TMEM47: variants seen among roughly 807,000 people sequenced by gnomAD.
The protein encoded by TMEM47 is transmembrane protein 47.
In TMEM47, 3 loss-of-function variants were observed where a neutral mutation model predicts 12.4. That is an observed-to-expected ratio of 0.24 (90% CI 0.11 to 0.63). The LOEUF (loss-of-function observed/expected upper bound fraction) is 0.63, where lower values mean the gene tolerates loss of function less well. Ranked by LOEUF, TMEM47 falls within the 20% of genes least tolerant of loss-of-function variation. TMEM47 has a pLI of 0.86. For missense variants in TMEM47, 89 were observed against 143.8 expected, an observed-to-expected ratio of 0.62 and a Z score of 1.95; for synonymous variants, 62 against 63.3, an observed-to-expected ratio of 0.98 and a Z score of 0.10.
At chrX:34,642,365 G>A (rs1276134947) in intron 1 of TMEM47, among the ~76,000 whole-genome samples, 2 of 112,222 alleles carry the variant, frequency 1.8e-5, no homozygotes, top group Middle Eastern at 4.2e-3. Context: ...CCAATATAGC[G>A]AGAGAAAATT....
chrX:34,638,783 T>C (rs758600915), intron 2 of TMEM47, among the ~76,000 whole-genome samples: 7 of 112,077 alleles, frequency 6.2e-5, no homozygotes, highest in African/African-American at 2.3e-4. Flanking sequence ...TGACTTCATA[T>C]AATTGACTTG....
intron 1 of TMEM47, 129 bp downstream of exon 1, chrX:34,656,675 G>T (rs920594009): frequency 3.0e-5 from 32 of 1,071,707 alleles, no homozygotes; most frequent in Non-Finnish European, 3.6e-5. Flanking sequence ...TCCGAGAAGG[G>T]CCTGGACGGG....
Position 34,630,224 on chromosome X carries a change from G to C in TMEM47, c.*89C>G. 1 of 948,671 alleles carries C rather than the reference G, an allele frequency of 1.1e-6. No homozygotes were observed. Among genetic ancestry groups the C allele is most frequent in the Non-Finnish European group, 1.4e-6 (1 of 703,711 alleles). 78.2% of individuals were successfully genotyped at this position (948,671 alleles called of 1,213,427 possible). On this transcript the variant is annotated 3_prime_UTR_variant, in exon 3 of 3. Transcript: ENST00000275954. Reference sequence around the variant, plus strand: ...GAGCAAACTGCTTGATGCTCCACAAGTGTTTTAGAAAATAGTAAGTTAGAA... The same window carrying C: ...GAGCAAACTGCTTGATGCTCCACAACTGTTTTAGAAAATAGTAAGTTAGAA...
chrX:34,639,871 T>C (rs1415390084), intron 1 of TMEM47, among the ~76,000 whole-genome samples: 2 of 111,656 alleles, frequency 1.8e-5, no homozygotes. Context: ...CCTGGGCTAC[T>C]GAGGACATCC....
intron 1 of TMEM47, among the ~76,000 whole-genome samples, chrX:34,648,377 A>G (rs1036651570): frequency 1.8e-5 from 2 of 111,731 alleles, no homozygotes; most frequent in Non-Finnish European, 3.8e-5. Context: ...AGAGCCCAGA[A>G]ATAAGGCTGC....
At chrX:34,642,068 G>T (rs760987227) in intron 1 of TMEM47, among the ~76,000 whole-genome samples, 12 of 111,964 alleles carry the variant, frequency 1.1e-4, no homozygotes, top group African/African-American at 3.9e-4. Flanking sequence ...TGTTGGCCAG[G>T]CTGGTCTCAA....
intron 1 of TMEM47, among the ~76,000 whole-genome samples, chrX:34,641,694 C>T (rs964901654): frequency 9.0e-6 from 1 of 111,574 alleles, no homozygotes; most frequent in African/African-American, 3.3e-5. Flanking sequence ...TAAAGACAGA[C>T]TAAGGTAGAA....
At chrX:34,642,551 GATAAAC>G (rs1344070111) in intron 1 of TMEM47, among the ~76,000 whole-genome samples, 1 of 111,834 alleles carries the variant, frequency 8.9e-6, no homozygotes, top group Non-Finnish European at 1.9e-5. Context: ...CTAAAAAGTA[GATAAAC>G]ATAATCAGTT....
chrX:34,627,285 A>C lies in TMEM47; in HGVS notation c.*3028T>G, dbSNP rs1307151680. On this transcript the variant is annotated 3_prime_UTR_variant, in exon 3 of 3. Transcript: ENST00000275954. ...AACATGTCATATATTTAAAAATAAT[A>C]AATATAGAATAGCAGTACAGAAACT... 2 of 112,275 alleles carry C rather than the reference A, an allele frequency of 1.8e-5. No individual in the cohort carries two copies. Among genetic ancestry groups the C allele is most frequent in the Non-Finnish European group, 3.8e-5 (2 of 53,193 alleles). The allele number at this position is 112,275 out of a possible 1,213,427, so 9.3% of individuals were successfully genotyped here. A position where few individuals can be genotyped will look rare whatever the true frequency, so the allele number is the denominator to read the frequency against.
chrX:34,631,562 C>T (rs1385553579), intron 2 of TMEM47, among the ~76,000 whole-genome samples: 1 of 111,994 alleles, frequency 8.9e-6, no homozygotes, highest in Non-Finnish European at 1.9e-5. Context: ...GATAATGGTA[C>T]AGGAAAACCT....
intron 2 of TMEM47, among the ~76,000 whole-genome samples, chrX:34,636,577 C>G: frequency 9.0e-6 from 1 of 111,446 alleles, no homozygotes; most frequent in East Asian, 2.8e-4. Context: ...CTAATTTCAC[C>G]AAGTCTTTAG....
intron 1 of TMEM47, among the ~76,000 whole-genome samples, chrX:34,649,254 T>A (rs1192898377): frequency 1.8e-5 from 2 of 111,725 alleles, no homozygotes; most frequent in Non-Finnish European, 3.8e-5. Context: ...TGCAGGAGAA[T>A]GTTCTTTGCA....
At chrX:34,636,498 A>G (rs995076187) in intron 2 of TMEM47, among the ~76,000 whole-genome samples, 1 of 112,183 alleles carries the variant, frequency 8.9e-6, no homozygotes, top group African/African-American at 3.2e-5. Flanking sequence ...CCTGTGGGAC[A>G]TACAAATGAC....
chrX:34,655,775 T>A (rs377757572), intron 1 of TMEM47, among the ~76,000 whole-genome samples: 5 of 85,593 alleles, frequency 5.8e-5, no homozygotes, highest in South Asian at 1.4e-3. Flanking sequence ...TATGTGTGTG[T>A]GAGAGAGAGA....
rs1366786757 is a variant in TMEM47 at position 34,628,527 on chromosome X, T to C, written c.*1786A>G. 1 of 110,606 alleles carries C rather than the reference T, an allele frequency of 9.0e-6. No homozygotes were observed. Among genetic ancestry groups the C allele is most frequent in the Non-Finnish European group, 1.9e-5 (1 of 52,853 alleles). The allele number at this position is 110,606 out of a possible 1,213,427, so 9.1% of individuals were successfully genotyped here. On this transcript the variant is annotated 3_prime_UTR_variant, in exon 3 of 3. Transcript: ENST00000275954. ...TTATAGAAAATTCATGTGTGTTTTCTAGCATTTGGATAATAAAATAGGTTT... is the reference window on the plus strand; with the variant it reads ...TTATAGAAAATTCATGTGTGTTTTCCAGCATTTGGATAATAAAATAGGTTT...
intron 1 of TMEM47, among the ~76,000 whole-genome samples, chrX:34,641,097 C>A (rs199583626): frequency 1.9e-3 from 189 of 97,588 alleles, no homozygotes; most frequent in Admixed American, 2.2e-3. Context: ...ATTAAAAAGC[C>A]AAAAAAAAAA....
chrX:34,653,124 T>C (rs1164062979), intron 1 of TMEM47, among the ~76,000 whole-genome samples: 1 of 112,077 alleles, frequency 8.9e-6, no homozygotes, highest in Non-Finnish European at 1.9e-5. Context: ...GGCTTTCTTA[T>C]AAATTCCTTT....
At chrX:34,655,902 C>G (rs1397629769) in intron 1 of TMEM47, among the ~76,000 whole-genome samples, 1 of 111,613 alleles carries the variant, frequency 9.0e-6, no homozygotes, top group African/African-American at 3.3e-5. Flanking sequence ...GGGTTTGTAG[C>G]GAGAAATCAT....
At position 34,649,547 on chromosome X, in the gene TMEM47, T is replaced by TCC. The variant is rs200196931; in HGVS notation, c.226+7256_226+7257insGG. 7.5e-3 allele frequency among the ~76,000 whole-genome samples: 830 copies of TCC among 110,328 alleles called. 8 individuals carry two copies. The highest frequency in any genetic ancestry group is 0.026 in the African/African-American group (776 of 30,228). On this transcript the variant is annotated intron_variant, in intron 1 of 2. Transcript: ENST00000275954. ...GGAATAACAGACACTGGGGTCTACT[T>TCC]GAGGGTTGAGGGTGGGAGGAGGGAG...
Sources: gnomAD v4.1 joint callset for allele counts (sites outside exome capture counted in the v4.1 genomes callset) on GRCh38, gnomAD v4.1.1 for gene constraint, MANE v1.5 for transcripts, NCBI Gene and HGNC (gene_info 2026-07-23, HGNC 2026-07-21) for gene names.